Variants in RNASE10 observed in about 807,000 individuals in gnomAD.
RNASE10 encodes ribonuclease A family member 10 (inactive).
RNASE10 carries 2 observed loss-of-function variants against 1.1 expected under a neutral mutation model. The ratio of observed to expected loss-of-function variants is 1.82; its 90% CI spans 0.74 to 5.73. The LOEUF is 5.73. Among genes scored for constraint, RNASE10 ranks in the 30% most tolerant of loss-of-function variants. The pLI, the probability that RNASE10 is intolerant of heterozygous loss-of-function variation, is 0.05. For synonymous variants in RNASE10, 97 were observed against 96.2 expected (o/e 1.01, Z -0.05); for missense variants, 276 against 263.4 (o/e 1.05, Z -0.33).
chr14:20,504,453 C>T (rs934315829), upstream of RNASE10, among the ~76,000 whole-genome samples: 12 of 151,792 alleles, frequency 7.9e-5, no homozygotes, highest in South Asian at 2.1e-4. Flanking sequence ...TTTGGGAGGC[C>T]GAGGCGGGCG....
chr14:20,505,043 A>G (rs968353278), upstream of RNASE10, among the ~76,000 whole-genome samples: 1 of 151,916 alleles, frequency 6.6e-6, no homozygotes, highest in African/African-American at 2.4e-5. Flanking sequence ...ACTCTGGCAA[A>G]CCTCACTGAA....
At chr14:20,510,967 T>A (rs774615191) in exon 2 of RNASE10, 4 of 1,605,360 alleles carry the variant, frequency 2.5e-6, no homozygotes. Flanking sequence ...GGGGGGAAAA[T>A]GTCACAAAAG....
intron 1 of RNASE10, among the ~76,000 whole-genome samples, chr14:20,509,436 G>C (rs932891709): frequency 6.6e-6 from 1 of 152,166 alleles, no homozygotes; most frequent in African/African-American, 2.4e-5. Context: ...TCTTCCCTGA[G>C]AGTATAAACC....
chr14:20,511,847 T>C (rs946265744), downstream of RNASE10, among the ~76,000 whole-genome samples: 25 of 152,308 alleles, frequency 1.6e-4, no homozygotes, highest in South Asian at 4.1e-4. Flanking sequence ...CTCCTTACTT[T>C]CTCTGTTCTC....
downstream of RNASE10, among the ~76,000 whole-genome samples, chr14:20,512,199 T>C (rs1384022519): frequency 6.6e-6 from 1 of 152,200 alleles, no homozygotes; most frequent in African/African-American, 2.4e-5. Context: ...GTTTCCGCTT[T>C]ATTGCTCTAA....
At chr14:20,509,754 C>T (rs1398323289) in intron 1 of RNASE10, among the ~76,000 whole-genome samples, 1 of 152,014 alleles carries the variant, frequency 6.6e-6, no homozygotes, top group Admixed American at 6.5e-5. Flanking sequence ...AAGAATTTCC[C>T]TAAAGGAGAG....
intron 1 of RNASE10, among the ~76,000 whole-genome samples, chr14:20,508,785 T>C (rs186881307): frequency 2.2e-4 from 34 of 152,268 alleles, no homozygotes; most frequent in African/African-American, 7.7e-4. Context: ...GTTGTTAATA[T>C]ATATTACTAA....
intron 1 of RNASE10, among the ~76,000 whole-genome samples, chr14:20,508,626 T>A (rs183519248): frequency 1.3e-5 from 2 of 152,110 alleles, no homozygotes; most frequent in African/African-American, 4.8e-5. Context: ...CGTAAAGTGC[T>A]CCGTTTGAGT....
At position 20,508,270 on chromosome 14, in the gene RNASE10, T is replaced by C. The variant is rs116800040; in HGVS notation, c.80-2197T>C. 9.6e-4 allele frequency among the ~76,000 whole-genome samples: 146 copies of C among 152,294 alleles called. 1 individual carries two copies. The highest frequency in any genetic ancestry group is 3.5e-3 in the African/African-American group (144 of 41,550). On this transcript the variant is annotated intron_variant, in intron 1 of 1. Coordinates refer to ENST00000430083, the Ensembl canonical transcript of RNASE10. ...ATATCAAATACATATATACAGTGAT[T>C]CTCCCTACCCAAAGTTTCAGTTACC...
Position 20,510,466 on chromosome 14 carries a change from G to A in RNASE10, c.80-1G>A. Reference sequence around the variant, plus strand: ...TCTTCCATTTCCCGCTTCCTCTCCAGGCAAAATGAAGCTGAATCTGGTGCA... The same window carrying A: ...TCTTCCATTTCCCGCTTCCTCTCCAAGCAAAATGAAGCTGAATCTGGTGCA... On this transcript the variant is annotated splice_acceptor_variant, in intron 1 of 1. Coordinates refer to ENST00000430083, the Ensembl canonical transcript of RNASE10. LOFTEE classifies it high-confidence loss of function. 6 of 1,604,354 alleles carry A rather than the reference G, an allele frequency of 3.7e-6. No homozygotes were observed. Among genetic ancestry groups the A allele is most frequent in the Non-Finnish European group, 4.3e-6 (5 of 1,176,206 alleles).
downstream of RNASE10, among the ~76,000 whole-genome samples, chr14:20,512,782 A>G (rs947237082): frequency 6.6e-6 from 1 of 152,154 alleles, no homozygotes; most frequent in Admixed American, 6.5e-5. Context: ...AGAGGTGGTA[A>G]TGAAGTGGTG....
At chr14:20,506,519 G>A (rs1377562038) in intron 1 of RNASE10, among the ~76,000 whole-genome samples, 4 of 122,640 alleles carry the variant, frequency 3.3e-5, no homozygotes, top group South Asian at 2.9e-4. Context: ...CCGGCCAGCC[G>A]CCCTATCCAG....
intron 1 of RNASE10, among the ~76,000 whole-genome samples, chr14:20,509,908 C>T (rs73569477): frequency 0.047 from 6,938 of 147,156 alleles, 545 homozygotes; most frequent in African/African-American, 0.16. Context: ...ATTAATTGAC[C>T]GCAGGAGTTT....
At chr14:20,507,229 A>G (rs1488341702) in intron 1 of RNASE10, among the ~76,000 whole-genome samples, 7 of 141,282 alleles carry the variant, frequency 5.0e-5, no homozygotes, top group Admixed American at 2.8e-4. Context: ...CTGTGTGGAT[A>G]GAAGTAGACA....
chr14:20,506,713 T>A (rs1368118962), intron 1 of RNASE10, among the ~76,000 whole-genome samples: 4 of 37,030 alleles, frequency 1.1e-4, no homozygotes, highest in Admixed American at 3.3e-4. Flanking sequence ...GGGAGGGAGG[T>A]GGGGGGGTCA....
intron 1 of RNASE10, among the ~76,000 whole-genome samples, chr14:20,509,627 G>T (rs1170914695): frequency 3.9e-5 from 6 of 152,142 alleles, no homozygotes; most frequent in Non-Finnish European, 7.3e-5. Flanking sequence ...TTGTGGGGAA[G>T]GTGGGTAACA....
chr14:20,508,367 A>T (rs1020279790), intron 1 of RNASE10, among the ~76,000 whole-genome samples: 4 of 152,166 alleles, frequency 2.6e-5, no homozygotes, highest in African/African-American at 9.7e-5. Context: ...TTAATGTTGC[A>T]TGCTGTTCTG....
chr14:20,512,821 C>G (rs1359762351), downstream of RNASE10, among the ~76,000 whole-genome samples: 1 of 152,130 alleles, frequency 6.6e-6, no homozygotes, highest in African/African-American at 2.4e-5. Flanking sequence ...AAGGCAGATT[C>G]CTATGCTTCC....
upstream of RNASE10, among the ~76,000 whole-genome samples, chr14:20,504,523 TA>T (rs377551307): frequency 7.0e-3 from 1,050 of 151,006 alleles, 15 homozygotes; most frequent in African/African-American, 0.024. Context: ...CCGTCTCTAC[TA>T]AAAAATACAA....
Sources: allele counts gnomAD v4.1 joint callset (sites outside exome capture counted in the v4.1 genomes callset), GRCh38; gene constraint gnomAD v4.1.1; transcripts MANE v1.5; gene names NCBI Gene and HGNC (gene_info 2026-07-23, HGNC 2026-07-21).